Variants in SAMMSON observed in about 807,000 individuals in gnomAD.
SAMMSON encodes long intergenic non-protein coding RNA 1212.
intron 4 of SAMMSON, chr3:70,072,789 T>C (rs2067235421): frequency 6.6e-6 from 1 of 151,952 alleles, no homozygotes; most frequent in African/African-American, 2.4e-5. Context: ...ACTACTTAGG[T>C]AAATTTATTT....
Position 70,307,796 on chromosome 3 carries a change from A to G in SAMMSON, n.739+16553A>G, listed in dbSNP as rs376278300. On this transcript the variant is annotated intron_variant and non_coding_transcript_variant, in intron 7 of 9. Transcript: ENST00000642114. ...GGCCTCCAGTGACAACACAGAACCA[A>G]TGTCCACTACTTAACCTACAGTCAG... 1.1e-4 allele frequency among the ~76,000 whole-genome samples: 16 copies of G among 152,142 alleles called. No homozygotes were observed. In the South Asian group the frequency reaches 3.3e-3, roughly 31 times the overall value.
rs1165409008 is a variant in SAMMSON at position 70,045,086 on chromosome 3, AATT to A, written n.418-26388_418-26386del. 5.7e-3 allele frequency among the ~76,000 whole-genome samples: 446 copies of A among 78,550 alleles called. 9 individuals carry two copies. The highest frequency in any genetic ancestry group is 9.0e-3 in the South Asian group (24 of 2,674). The allele number at this position is 78,550 out of a possible 152,430, so 51.5% of individuals were successfully genotyped here. A position where few individuals can be genotyped will look rare whatever the true frequency, so the allele number is the denominator to read the frequency against. ...AATATATATTATAATTAATATATAT[AATT>A]AATTATAATATATATTATAATTTAT... On this transcript the variant is annotated intron_variant and non_coding_transcript_variant, in intron 3 of 9. Transcript: ENST00000642114.
At chr3:70,292,835 A>T (rs913392739) in intron 7 of SAMMSON, among the ~76,000 whole-genome samples, 2 of 151,968 alleles carry the variant, frequency 1.3e-5, no homozygotes, top group African/African-American at 4.8e-5. Context: ...TTGTTCAAAA[A>T]TTTTTCTTTG....
At chr3:70,263,906 T>C (rs1463948549) in intron 6 of SAMMSON, among the ~76,000 whole-genome samples, 2 of 152,182 alleles carry the variant, frequency 1.3e-5, no homozygotes, top group Non-Finnish European at 2.9e-5. Context: ...GCAATTGCTG[T>C]TGTCCAATAT....
At chr3:70,061,922 A>T (rs2107592107) in intron 3 of SAMMSON, among the ~76,000 whole-genome samples, 1 of 152,224 alleles carries the variant, frequency 6.6e-6, no homozygotes, top group Middle Eastern at 3.4e-3. Flanking sequence ...GAATGAATAA[A>T]TGATTCTATG....
At chr3:70,429,913 C>T (rs578009056) in intron 2 of SAMMSON, among the ~76,000 whole-genome samples, 1 of 152,294 alleles carries the variant, frequency 6.6e-6, no homozygotes, top group South Asian at 2.1e-4. Context: ...CATCTGCAAA[C>T]AGAGACAACT....
rs114751439 is a variant in SAMMSON, at chr3:70,332,661, G to A, written n.740-21514G>A. On this transcript the variant is annotated intron_variant and non_coding_transcript_variant, in intron 7 of 9. Transcript: ENST00000642114. The stretch of plus-strand genomic sequence containing the variant: ...CCCAGGCTGGAGTGCAGTGTGGCAC[G>A]ATCTCGGCTCACTACAAGCTCCGCC... 1.9e-3 allele frequency: 290 copies of A among 152,044 alleles called. No individual in the cohort carries two copies. In the Middle Eastern group the frequency reaches 0.02, roughly 11 times the overall value. 9.4% of individuals were successfully genotyped at this position (152,044 alleles called of 1,614,324 possible).
intron 6 of SAMMSON, among the ~76,000 whole-genome samples, chr3:70,272,765 G>C (rs941794833): frequency 6.6e-6 from 1 of 152,072 alleles, no homozygotes; most frequent in Non-Finnish European, 1.5e-5. Context: ...AATTCCCCTT[G>C]CTTTCTTTCC....
At chr3:70,414,485 G>A (rs116129404) in intron 2 of SAMMSON, among the ~76,000 whole-genome samples, 1 of 152,230 alleles carries the variant, frequency 6.6e-6, no homozygotes, top group South Asian at 2.1e-4. Context: ...CCTGCACTTA[G>A]TAAGACTGTC....
chr3:70,194,394 T>C (rs1357818993), intron 4 of SAMMSON, among the ~76,000 whole-genome samples: 1 of 152,226 alleles, frequency 6.6e-6, no homozygotes, highest in African/African-American at 2.4e-5. Flanking sequence ...ACCACATCCC[T>C]TTTTGATCTG....
At chr3:70,273,302 A>T (rs1329668950) in intron 6 of SAMMSON, among the ~76,000 whole-genome samples, 1 of 152,060 alleles carries the variant, frequency 6.6e-6, no homozygotes, top group African/African-American at 2.4e-5. Flanking sequence ...TCTGAAGACT[A>T]CTCTAAGGAA....
At chr3:70,216,730 G>A (rs1270809844) in intron 4 of SAMMSON, among the ~76,000 whole-genome samples, 2 of 152,094 alleles carry the variant, frequency 1.3e-5, no homozygotes, top group Non-Finnish European at 2.9e-5. Flanking sequence ...CCTGGGTGAG[G>A]CAGGCCTTCC....
At chr3:70,281,361 C>T (rs1167721848) in intron 6 of SAMMSON, among the ~76,000 whole-genome samples, 2 of 152,170 alleles carry the variant, frequency 1.3e-5, no homozygotes, top group Non-Finnish European at 2.9e-5. Context: ...TTATTTGACT[C>T]TCCTCTGTCT....
At chr3:70,268,542 G>C (rs539771665) in intron 6 of SAMMSON, among the ~76,000 whole-genome samples, 1 of 150,304 alleles carries the variant, frequency 6.7e-6, no homozygotes, top group African/African-American at 2.4e-5. Flanking sequence ...AACCTACACT[G>C]ACACATCAAC....
At chr3:70,418,334 C>T (rs1296118832) in intron 2 of SAMMSON, among the ~76,000 whole-genome samples, 1 of 152,176 alleles carries the variant, frequency 6.6e-6, no homozygotes. Context: ...TCAGGTTACT[C>T]TCTGTTCATT....
At chr3:70,175,569 G>T (rs1344903121) in intron 4 of SAMMSON, among the ~76,000 whole-genome samples, 2 of 152,028 alleles carry the variant, frequency 1.3e-5, no homozygotes. Context: ...TATGTGAGCT[G>T]ATCCAGAACC....
chr3:70,064,999 A>G lies in SAMMSON; in HGVS notation n.418-6477A>G, dbSNP rs187825172. On this transcript the variant is annotated intron_variant and non_coding_transcript_variant, in intron 3 of 9. Coordinates refer to ENST00000642114, the Ensembl canonical transcript of SAMMSON. ...TGCAATGTAATGTACTGAGCCAGAA[A>G]AATAATACTGCAGTTTGATTTCAGA... Among the ~76,000 whole-genome samples the G allele has an allele frequency of 1.9e-3, 296 of 152,242 alleles. 1 individual carries two copies. The highest frequency in any genetic ancestry group is 9.6e-4 in the Non-Finnish European group (65 of 68,002).
Position 70,403,276 on chromosome 3 carries a change from G to A in SAMMSON, n.233+44952G>A, listed in dbSNP as rs559817425. Among the ~76,000 whole-genome samples the A allele has an allele frequency of 3.1e-3, 474 of 152,266 alleles. 3 individuals carry two copies. Among genetic ancestry groups the A allele is most frequent in the African/African-American group, 0.01 (431 of 41,554 alleles). Reference sequence around the variant, plus strand: ...AGGGAAGCCAAAGAGGAGAGGCCCAGTCAAAATTTTCTGTGAGGAGACAAA... The same window carrying A: ...AGGGAAGCCAAAGAGGAGAGGCCCAATCAAAATTTTCTGTGAGGAGACAAA... On this transcript the variant is annotated intron_variant and non_coding_transcript_variant, in intron 2 of 3. Coordinates refer to the SAMMSON transcript ENST00000641053.
At chr3:70,132,406 G>C (rs147181729) in intron 4 of SAMMSON, among the ~76,000 whole-genome samples, 1 of 152,268 alleles carries the variant, frequency 6.6e-6, no homozygotes, top group Non-Finnish European at 1.5e-5. Flanking sequence ...GGTACATGCT[G>C]TGTACATGTT....
Sources: allele counts gnomAD v4.1 joint callset (sites outside exome capture counted in the v4.1 genomes callset), GRCh38; gene constraint gnomAD v4.1.1; transcripts MANE v1.5; gene names NCBI Gene and HGNC (gene_info 2026-07-23, HGNC 2026-07-21).